Variants in VARS1 observed in about 807,000 individuals in gnomAD.
VARS1 encodes the protein valine--tRNA ligase.
Under a neutral mutation model 161.0 loss-of-function variants are expected in VARS1, and 92 were observed. The ratio of observed to expected loss-of-function variants is 0.57; its 90% CI spans 0.48 to 0.68. The LOEUF is 0.68. VARS1 is among the 30% of genes least tolerant of loss of function. VARS1 has a pLI of 0.00. For missense variants in VARS1, 1,338 were observed against 1,695.9 expected (o/e 0.79, Z 3.71); for synonymous variants, 595 against 682.5 (o/e 0.87, Z 2.00).
chr6:31,782,240 G>A lies in VARS1; in HGVS notation c.2150+45C>T. The A allele has an allele frequency of 6.2e-7, 1 of 1,610,838 alleles. No homozygotes were observed. The highest frequency in any genetic ancestry group is 8.5e-7 in the Non-Finnish European group (1 of 1,178,270). ...ATGGAGCCTGGCCCGAGTGAGCCCT[G>A]CTCAGCCCTCGGCAAGCCCCTCCCA... On this transcript the variant is annotated intron_variant, in intron 17 of 29. Coordinates refer to ENST00000375663, the MANE Select transcript of VARS1 (RefSeq NM_006295.3). This position sits in a 1 kb window ranked among gnomAD's most constrained non-coding sequence, Gnocchi z 8.3.
intron 5 of VARS1, 40 bp downstream of exon 5, chr6:31,792,352 G>A (rs750195671): frequency 4.3e-6 from 7 of 1,613,708 alleles, no homozygotes; most frequent in East Asian, 2.2e-5. Flanking sequence ...ACCCATCACC[G>A]CACACATCAA....
Position 31,791,163 on chromosome 6 carries a change from T to A in VARS1, c.1100+447A>T, listed in dbSNP as rs186157171. Among the ~76,000 whole-genome samples, 671 of 151,714 alleles carry A rather than the reference T, an allele frequency of 4.4e-3. 5 individuals carry two copies. Among genetic ancestry groups the A allele is most frequent in the Non-Finnish European group, 6.6e-3 (450 of 67,898 alleles). On this transcript the variant is annotated intron_variant, in intron 8 of 29. Transcript: ENST00000375663. This position sits in a 1 kb window ranked among gnomAD's most constrained non-coding sequence, Gnocchi z 5.0. ...AAGACTCTGTCCCCCCAAAAAAAAATATATATATTCATATGTTCCTAATTA... is the reference window on the plus strand; with the variant it reads ...AAGACTCTGTCCCCCCAAAAAAAAAAATATATATTCATATGTTCCTAATTA...
At chr6:31,794,271 TCATC>T (rs1814106818) in intron 2 of VARS1, among the ~76,000 whole-genome samples, 1 of 152,132 alleles carries the variant, frequency 6.6e-6, no homozygotes. Flanking sequence ...CCACATTCAT[TCATC>T]CATTCAAGAA....
chr6:31,784,536 G>A lies in VARS1; in HGVS notation c.1468-34C>T. 6.2e-7 allele frequency: 1 copy of A among 1,613,560 alleles called. No individual in the cohort carries two copies. Among genetic ancestry groups the A allele is most frequent in the Non-Finnish European group, 8.5e-7 (1 of 1,180,030 alleles). ...TGGGTATTTAGAGGCGTGGCCCAGGGGCCAGGGCCAGGGCCAGGGTAGATT... is the reference window on the plus strand; with the variant it reads ...TGGGTATTTAGAGGCGTGGCCCAGGAGCCAGGGCCAGGGCCAGGGTAGATT... On this transcript the variant is annotated intron_variant, in intron 11 of 29. Coordinates refer to ENST00000375663, the MANE Select transcript of VARS1 (RefSeq NM_006295.3). This position sits in a 1 kb window ranked among gnomAD's most constrained non-coding sequence, Gnocchi z 6.1.
chr6:31,780,982 C>G lies in VARS1; in HGVS notation c.2649+37G>C. ...CAGTCAGGTGGCTGTGACCACAGCCCCACGGCCCTTCCTGGCTGGCCCAGC... is the reference window on the plus strand; with the variant it reads ...CAGTCAGGTGGCTGTGACCACAGCCGCACGGCCCTTCCTGGCTGGCCCAGC... On this transcript the variant is annotated intron_variant, in intron 22 of 29. Coordinates refer to ENST00000375663, the MANE Select transcript of VARS1 (RefSeq NM_006295.3). This position sits in a 1 kb window ranked among gnomAD's most constrained non-coding sequence, Gnocchi z 5.1. 2.5e-6 allele frequency: 4 copies of G among 1,614,038 alleles called. No homozygotes were observed. The highest frequency in any genetic ancestry group is 3.4e-6 in the Non-Finnish European group (4 of 1,179,972).
Position 31,778,055 on chromosome 6 carries a change from G to C in VARS1, c.3727-393C>G. Reference sequence around the variant, plus strand: ...AGTGAGATTAACCACGTCCACTCAAGGCTCTCTAGCTCTTGGCCTCCATGA... The same window carrying C: ...AGTGAGATTAACCACGTCCACTCAACGCTCTCTAGCTCTTGGCCTCCATGA... On this transcript the variant is annotated intron_variant, in intron 29 of 29. Coordinates refer to ENST00000375663, the MANE Select transcript of VARS1 (RefSeq NM_006295.3). The surrounding 1 kb of genome is among the most constrained non-coding windows in gnomAD (Gnocchi z 5.1). The C allele has an allele frequency of 3.8e-6, 1 of 260,916 alleles. No individual in the cohort carries two copies. The highest frequency in any genetic ancestry group is 7.5e-6 in the Non-Finnish European group (1 of 133,822). 16.2% of individuals were successfully genotyped at this position (260,916 alleles called of 1,614,324 possible). A position where few individuals can be genotyped will look rare whatever the true frequency, so the allele number is the denominator to read the frequency against.
chr6:31,792,100 A>G, intron 6 of VARS1, 117 bp downstream of exon 6: 2 of 1,471,598 alleles, frequency 1.4e-6, no homozygotes, highest in Non-Finnish European at 1.9e-6. Context: ...GCCTAGAGGC[A>G]GGGCAGGGGG....
chr6:31,785,166 C>A lies in VARS1; in HGVS notation c.1347+80G>T. The A allele has an allele frequency of 6.4e-7, 1 of 1,555,202 alleles. No homozygotes were observed. On this transcript the variant is annotated intron_variant, in intron 10 of 29. Coordinates refer to ENST00000375663, the MANE Select transcript of VARS1 (RefSeq NM_006295.3). The surrounding 1 kb of genome is among the most constrained non-coding windows in gnomAD (Gnocchi z 6.1). The stretch of plus-strand genomic sequence containing the variant: ...GCCAGCTCCTGAGAGAGGGCCACAA[C>A]ACCTCTGCTTTCTCCTGTGGGGGTC...
chr6:31,785,675 C>T lies in VARS1; in HGVS notation c.1159G>A (p.Ala387Thr). 1.9e-6 allele frequency: 3 copies of T among 1,612,982 alleles called. No individual in the cohort carries two copies. The highest frequency in any genetic ancestry group is 2.5e-6 in the Non-Finnish European group (3 of 1,180,016). Reference protein sequence around the residue: ...WNPGCDHAGIATQVVVEKKLW... With the variant: ...WNPGCDHAGITTQVVVEKKLW... ...TTCTTCTCCACCACCACCTGGGTGG[C>T]AATACCTGCATGGTCACAGCCAGGG... The change falls in exon 9 of 30, where the codon GCC becomes ACC. Residue 387 changes from alanine (A) to threonine (T), a missense_variant. Ala to Thr is a moderately conservative substitution (Grantham distance 58, BLOSUM62 0). Transcript: ENST00000375663. This position sits in a 1 kb window ranked among gnomAD's most constrained non-coding sequence, Gnocchi z 6.1.
chr6:31,779,018 C>T lies in VARS1; in HGVS notation c.3675G>A (p.Ser1225=), dbSNP rs149065283. The change falls in exon 29 of 30, where the codon TCG becomes TCA. Residue 1225 remains serine (S), a synonymous_variant. Coordinates refer to ENST00000375663, the MANE Select transcript of VARS1 (RefSeq NM_006295.3). The surrounding 1 kb of genome is among the most constrained non-coding windows in gnomAD (Gnocchi z 9.1). The stretch of plus-strand genomic sequence containing the variant: ...CGAGCGGCACCTTGACAGGATAGCC[C>T]GAGGCAGCACGGCGTTCCCGCAGAC... ...AQRLRERRAA[S]GYPVKVPLEV... 2.0e-5 allele frequency: 33 copies of T among 1,612,882 alleles called. No homozygotes were observed. In the African/African-American group the frequency reaches 2.8e-4, roughly 14 times the overall value.
In VARS1 at chr6:31,785,353, C is replaced by G. The variant is rs748316105; in HGVS notation, c.1266-26G>C. The G allele has an allele frequency of 6.2e-7, 1 of 1,612,644 alleles. No individual in the cohort carries two copies. The highest frequency in any genetic ancestry group is 8.5e-7 in the Non-Finnish European group (1 of 1,179,742). On this transcript the variant is annotated intron_variant, in intron 9 of 29. Coordinates refer to ENST00000375663, the MANE Select transcript of VARS1 (RefSeq NM_006295.3). This position sits in a 1 kb window ranked among gnomAD's most constrained non-coding sequence, Gnocchi z 6.1. ...CTGGAAGCAGACAGGCTGAGGTCAG[C>G]ACTCGTGCCTGGGCTAGAGGGAGAC...
rs1410191462 is a variant in VARS1, at chr6:31,785,247, G to A, written c.1346C>T (p.Pro449Leu). 1 of 1,613,080 alleles carries A rather than the reference G, an allele frequency of 6.2e-7. No homozygotes were observed. Among genetic ancestry groups the A allele is most frequent in the Non-Finnish European group, 8.5e-7 (1 of 1,180,022 alleles). ...AGCTTTGACACTCCTCCCACGCACA[G>A]GGTCCATGGTGAAACAGGCTCGATC... ...DWDRACFTMD[P>L]KLSAAVTEAF... Residue 449 changes from proline to leucine, a missense_variant and splice_region_variant, in exon 10 of 30, where the codon CCT becomes CTT. Around this residue, in one of 3 missense-constraint regions of VARS1, gnomAD observed 902 missense variants for 1,090.3 expected, o/e 0.83. Transcript: ENST00000375663. This position sits in a 1 kb window ranked among gnomAD's most constrained non-coding sequence, Gnocchi z 6.1.
At chr6:31,787,320 G>GA (rs1030126362) in intron 8 of VARS1, among the ~76,000 whole-genome samples, 3 of 151,556 alleles carry the variant, frequency 2.0e-5, no homozygotes, top group Non-Finnish European at 2.9e-5. Context: ...ACGTTCACTG[G>GA]AAAAAAAATG....
chr6:31,790,208 CT>C (rs1239493343), intron 8 of VARS1, among the ~76,000 whole-genome samples: 1 of 151,830 alleles, frequency 6.6e-6, no homozygotes, highest in Non-Finnish European at 1.5e-5. Context: ...GGCCCACAGG[CT>C]GCAGGTTGGA....
chr6:31,782,061 G>A lies in VARS1; in HGVS notation c.2241+26C>T. 1 of 1,612,466 alleles carries A rather than the reference G, an allele frequency of 6.2e-7. No individual in the cohort carries two copies. Among genetic ancestry groups the A allele is most frequent in the Non-Finnish European group, 8.5e-7 (1 of 1,179,098 alleles). Reference sequence around the variant, plus strand: ...CCCACCACTCCAGCAGGGTGTCCCAGCAGCTAGCTCTGGCCCTCTGCTCAC... The same window carrying A: ...CCCACCACTCCAGCAGGGTGTCCCAACAGCTAGCTCTGGCCCTCTGCTCAC... On this transcript the variant is annotated intron_variant, in intron 18 of 29. Transcript: ENST00000375663. This position sits in a 1 kb window ranked among gnomAD's most constrained non-coding sequence, Gnocchi z 8.3.
chr6:31,782,508 C>A lies in VARS1; in HGVS notation c.1991+22G>T. 1 of 1,612,922 alleles carries A rather than the reference C, an allele frequency of 6.2e-7. No individual in the cohort carries two copies. The highest frequency in any genetic ancestry group is 8.5e-7 in the Non-Finnish European group (1 of 1,179,984). On this transcript the variant is annotated intron_variant, in intron 16 of 29. Transcript: ENST00000375663. The surrounding 1 kb of genome is among the most constrained non-coding windows in gnomAD (Gnocchi z 8.3). ...CCTGAGGAGCCCTCCATCTTCCTCC[C>A]GTCCCAGGCCCCCACCCTCACTTGC...
intron 4 of VARS1, 98 bp from the exon 5 acceptor site, chr6:31,792,614 TG>T: frequency 1.3e-6 from 2 of 1,597,854 alleles, no homozygotes; most frequent in Non-Finnish European, 1.7e-6. Context: ...CCCGAGGTCT[TG>T]CCCATGCTGA....
intron 14 of VARS1, 61 bp downstream of exon 14, chr6:31,783,035 T>C (rs1435819020): frequency 1.9e-6 from 3 of 1,585,236 alleles, no homozygotes; most frequent in African/African-American, 1.3e-5. Flanking sequence ...TGAGAGAAGA[T>C]GGACAGCTAG....
rs993660149 is a variant in VARS1, at chr6:31,785,159, G to A, written c.1347+87C>T. The A allele has an allele frequency of 1.2e-5, 18 of 1,514,870 alleles. No individual in the cohort carries two copies. The highest frequency in any genetic ancestry group is 1.6e-5 in the Non-Finnish European group (17 of 1,095,206). 93.8% of individuals were successfully genotyped at this position (1,514,870 alleles called of 1,614,324 possible). ...TACATGGGCCAGCTCCTGAGAGAGG[G>A]CCACAACACCTCTGCTTTCTCCTGT... On this transcript the variant is annotated intron_variant, in intron 10 of 29. Coordinates refer to ENST00000375663, the MANE Select transcript of VARS1 (RefSeq NM_006295.3). The surrounding 1 kb of genome is among the most constrained non-coding windows in gnomAD (Gnocchi z 6.1).
Sources: gnomAD v4.1 joint callset for allele counts (sites outside exome capture counted in the v4.1 genomes callset) on GRCh38, gnomAD v4.1.1 for gene constraint, gnomAD v4.1.1 regional missense constraint, Gnocchi (gnomAD v3.1) non-coding constraint, MANE v1.5 for transcripts, NCBI Gene and HGNC (gene_info 2026-07-23, HGNC 2026-07-21) for gene names.